The following MSRA variants were observed in gnomAD, a reference collection of about 807,000 sequenced individuals.
MSRA encodes methionine sulfoxide reductase A.
A neutral mutation model predicts 31.3 loss-of-function variants in MSRA; 54 were observed. The ratio of observed to expected loss-of-function variants is 1.73; its 90% CI spans 1.39 to 2.17. The LOEUF (loss-of-function observed/expected upper bound fraction) is 2.17, where lower values mean the gene tolerates loss of function less well. Ranked by LOEUF, MSRA falls within the 30% of genes most tolerant of loss-of-function variation. The pLI, the probability that MSRA is intolerant of heterozygous loss-of-function variation, is 0.00. For synonymous variants in MSRA, 169 were observed against 116.5 expected (o/e 1.45, Z -2.90); for missense variants, 507 against 300.9 (o/e 1.69, Z -5.07).
intron 5 of MSRA, chr8:10,411,193 T>C (rs1227154303): frequency 6.6e-6 from 1 of 152,228 alleles, no homozygotes; most frequent in Non-Finnish European, 1.5e-5. Context: ...GTTGAGATGC[T>C]GTTGCTGAAA....
intron 1 of MSRA, among the ~76,000 whole-genome samples, chr8:10,141,638 T>C (rs1802714368): frequency 6.6e-6 from 1 of 152,096 alleles, no homozygotes; most frequent in Admixed American, 6.5e-5. Context: ...TTTAATGCAG[T>C]CAATGCTGTA....
At chr8:10,155,428 T>C (rs1804071568) in intron 1 of MSRA, among the ~76,000 whole-genome samples, 2 of 152,196 alleles carry the variant, frequency 1.3e-5, no homozygotes, top group African/African-American at 2.4e-5. Context: ...CTGAAGAGCC[T>C]AGAAGCTGTG....
chr8:10,207,765 T>G, intron 1 of MSRA, 68 bp from the exon 2 acceptor site: 6 of 1,414,630 alleles, frequency 4.2e-6, no homozygotes, highest in Non-Finnish European at 4.8e-6. Context: ...TTGACACATT[T>G]AATGACATGT....
chr8:10,218,156 A>G (rs970870398), intron 2 of MSRA, among the ~76,000 whole-genome samples: 4 of 133,022 alleles, frequency 3.0e-5, no homozygotes, highest in African/African-American at 1.0e-4. Context: ...TTATTTATTT[A>G]TTTATTTTGA....
At chr8:10,160,962 TA>T (rs141898406) in intron 1 of MSRA, among the ~76,000 whole-genome samples, 5,697 of 152,360 alleles carry the variant, frequency 0.037, 210 homozygotes, top group African/African-American at 0.088. Context: ...TTAACATTGC[TA>T]ATTCTTTGTA....
At chr8:10,376,889 T>C (rs896316528) in intron 5 of MSRA, among the ~76,000 whole-genome samples, 1 of 152,244 alleles carries the variant, frequency 6.6e-6, no homozygotes, top group African/African-American at 2.4e-5. Flanking sequence ...TACTGTATCA[T>C]TGCACTGAAG....
At chr8:10,363,738 CCACACACACACACACACACACA>C (rs71203319) in intron 5 of MSRA, among the ~76,000 whole-genome samples, 2 of 103,286 alleles carry the variant, frequency 1.9e-5, no homozygotes, top group African/African-American at 6.7e-5. Context: ...GATGCAGTCA[CCACACACACACACACACACACA>C]CACACACACA....
At chr8:10,251,879 G>T (rs994308816) in intron 3 of MSRA, among the ~76,000 whole-genome samples, 1 of 150,540 alleles carries the variant, frequency 6.6e-6, no homozygotes, top group African/African-American at 2.4e-5. Context: ...GGGGGACATA[G>T]GTCATGGGGA....
chr8:10,130,429 A>G (rs1420778566), intron 1 of MSRA, among the ~76,000 whole-genome samples: 2 of 152,296 alleles, frequency 1.3e-5, no homozygotes, highest in East Asian at 3.9e-4. Context: ...GTATGTGAAT[A>G]TTATTTCAGA....
rs551939618 is a variant in MSRA at position 10,070,164 on chromosome 8, G to A, written c.142+15506G>A. 1.7e-4 allele frequency among the ~76,000 whole-genome samples: 26 copies of A among 152,320 alleles called. No individual in the cohort carries two copies. In the South Asian group the frequency reaches 5.4e-3, roughly 32 times the overall value. On this transcript the variant is annotated intron_variant, in intron 1 of 5. Transcript: ENST00000317173. ...GGGAAAATAAGAGGATTAGGTAGCT[G>A]ATGCCCACCTTTCTATCAAGGGAGC... is the stretch of plus-strand genomic sequence containing the variant.
At chr8:10,323,123 C>T (rs1585469186) in intron 5 of MSRA, among the ~76,000 whole-genome samples, 1 of 148,218 alleles carries the variant, frequency 6.7e-6, no homozygotes, top group Admixed American at 6.7e-5. Context: ...GAAGAGAGGG[C>T]TTAGTACCCG....
At chr8:10,422,009 C>T (rs530998223) in intron 5 of MSRA, among the ~76,000 whole-genome samples, 7 of 152,110 alleles carry the variant, frequency 4.6e-5, no homozygotes, top group South Asian at 2.1e-4. Flanking sequence ...CAGGCTGTGT[C>T]GTGGCTCACA....
intron 3 of MSRA, among the ~76,000 whole-genome samples, chr8:10,248,484 A>G (rs776134849): frequency 6.6e-6 from 1 of 152,146 alleles, no homozygotes; most frequent in Non-Finnish European, 1.5e-5. Flanking sequence ...AGGTGGGTGA[A>G]CACAGGCCAA....
intron 5 of MSRA, chr8:10,411,036 C>T (rs1280522077): frequency 1.3e-5 from 2 of 152,054 alleles, no homozygotes; most frequent in Non-Finnish European, 2.9e-5. Context: ...AAAATCCTGA[C>T]TGTACTTCAT....
chr8:10,221,938 A>G (rs1302929804), intron 2 of MSRA, among the ~76,000 whole-genome samples: 1 of 152,078 alleles, frequency 6.6e-6, no homozygotes, highest in African/African-American at 2.4e-5. Flanking sequence ...TCAGCAAGGG[A>G]GGAGGAGGAG....
intron 3 of MSRA, among the ~76,000 whole-genome samples, chr8:10,267,041 C>A (rs538302160): frequency 6.6e-6 from 1 of 152,272 alleles, no homozygotes; most frequent in Non-Finnish European, 1.5e-5. Context: ...ATTTCTCGAA[C>A]GAACATGGAT....
chr8:10,384,491 T>C lies in MSRA; in HGVS notation c.544-43657T>C, dbSNP rs117886612. On this transcript the variant is annotated intron_variant, in intron 5 of 5. Transcript: ENST00000317173. ...CTCCTGGTGGAGAACGAGGACGATGTCCAGGTCACAGGTTCTCAACTCTGG... is the reference window on the plus strand; with the variant it reads ...CTCCTGGTGGAGAACGAGGACGATGCCCAGGTCACAGGTTCTCAACTCTGG... 3.2e-3 allele frequency among the ~76,000 whole-genome samples: 492 copies of C among 152,274 alleles called. 3 individuals carry two copies. Among genetic ancestry groups the C allele is most frequent in the South Asian group, 8.5e-3 (41 of 4,830 alleles).
chr8:10,261,474 T>C (rs1798480555), intron 3 of MSRA, among the ~76,000 whole-genome samples: 1 of 151,724 alleles, frequency 6.6e-6, no homozygotes, highest in Non-Finnish European at 1.5e-5. Context: ...GATGGGAGGA[T>C]TGCTTGAGGC....
At chr8:10,303,807 T>C (rs189812635) in intron 4 of MSRA, among the ~76,000 whole-genome samples, 195 of 152,388 alleles carry the variant, frequency 1.3e-3, no homozygotes, top group Non-Finnish European at 2.0e-3. Flanking sequence ...TTTGTTTTTC[T>C]TAAGCTAGTT....
Sources: gnomAD v4.1 joint callset for allele counts (sites outside exome capture counted in the v4.1 genomes callset) on GRCh38, gnomAD v4.1.1 for gene constraint, MANE v1.5 for transcripts, NCBI Gene and HGNC (gene_info 2026-07-23, HGNC 2026-07-21) for gene names.